Variants in FNDC3B observed in about 807,000 individuals in gnomAD.
FNDC3B encodes fibronectin type III domain containing 3B.
FNDC3B carries 12 observed loss-of-function variants against 151.5 expected under a neutral mutation model. The observed-to-expected ratio is 0.08, with a 90% CI of 0.05 to 0.13. The LOEUF is 0.13. FNDC3B is among the 10% of genes least tolerant of loss of function. FNDC3B has a pLI of 1.00. For missense variants in FNDC3B, 1,214 were observed against 1,505.3 expected, an observed-to-expected ratio of 0.81 and a Z score of 3.20; for synonymous variants, 528 against 549.0, an observed-to-expected ratio of 0.96 and a Z score of 0.54.
chr3:172,278,597 T>A (rs1392562728), intron 6 of FNDC3B, among the ~76,000 whole-genome samples: 1 of 152,124 alleles, frequency 6.6e-6, no homozygotes, highest in South Asian at 2.1e-4. Context: ...TTTTTGTGGG[T>A]TTGCATCCCT....
chr3:172,347,143 T>C (rs895825021), intron 20 of FNDC3B, 69 bp from the exon 21 acceptor site: 8 of 1,389,806 alleles, frequency 5.8e-6, no homozygotes, highest in African/African-American at 1.4e-5. Flanking sequence ...TTTTAGTTAA[T>C]TGAATACAAG....
At chr3:172,196,782 T>C (rs748812345) in intron 3 of FNDC3B, among the ~76,000 whole-genome samples, 15 of 152,198 alleles carry the variant, frequency 9.9e-5, no homozygotes, top group Non-Finnish European at 1.9e-4. Context: ...TCGCTTTTTC[T>C]TGTCCAAAGA....
Position 172,397,355 on chromosome 3 carries a change from T to A in FNDC3B, c.3495T>A (p.Asp1165Glu). ...VMLTGDMGSLDDPKMKSMMPT... is the reference protein window; with the variant it reads ...VMLTGDMGSLEDPKMKSMMPT... ...TTACAGGGGACATGGGGAGCTTAGA[T>A]GATCCCAAAATGAAGAGCATGATGC... The change falls in exon 26 of 26, where the codon GAT (aspartate) becomes GAA (glutamate). Residue 1165 changes from aspartate (D) to glutamate (E), a missense_variant. By Grantham distance (45) the Asp-to-Glu change is conservative. Coordinates refer to ENST00000415807, the MANE Select transcript of FNDC3B (RefSeq NM_022763.4). 6.2e-7 allele frequency: 1 copy of A among 1,614,202 alleles called. No homozygotes were observed. The highest frequency in any genetic ancestry group is 1.3e-5 in the African/African-American group (1 of 75,064).
chr3:172,128,494 G>A (rs1358096451), intron 2 of FNDC3B, among the ~76,000 whole-genome samples: 1 of 152,130 alleles, frequency 6.6e-6, no homozygotes, highest in Non-Finnish European at 1.5e-5. Context: ...GGGTCTCAAA[G>A]GTGTGTGTGG....
At chr3:172,328,112 G>A (rs79337583) in intron 11 of FNDC3B, among the ~76,000 whole-genome samples, 2,217 of 152,286 alleles carry the variant, frequency 0.015, 24 homozygotes, top group Middle Eastern at 0.054. Flanking sequence ...AACCTAATAC[G>A]AGACCCCACT....
rs145534459 is a variant in FNDC3B at position 172,212,549 on chromosome 3, G to A, written c.188-14322G>A. Reference sequence around the variant, plus strand: ...AAAAAGGCCTAGAAATTTTGACGTAGCACATTTGAGGATGATAGCAGGAAG... The same window carrying A: ...AAAAAGGCCTAGAAATTTTGACGTAACACATTTGAGGATGATAGCAGGAAG... On this transcript the variant is annotated intron_variant, in intron 3 of 25. Transcript: ENST00000415807. Among the ~76,000 whole-genome samples the A allele has an allele frequency of 4.5e-3, 679 of 152,282 alleles. 3 individuals carry two copies. Among genetic ancestry groups the A allele is most frequent in the African/African-American group, 0.015 (642 of 41,546 alleles).
chr3:172,351,365 C>A (rs1560094756), intron 21 of FNDC3B, among the ~76,000 whole-genome samples: 1 of 152,168 alleles, frequency 6.6e-6, no homozygotes. Flanking sequence ...AGGCAGCAAA[C>A]TTGGTGTCCC....
chr3:172,114,636 A>T (rs1027411497), intron 2 of FNDC3B, among the ~76,000 whole-genome samples: 1 of 152,220 alleles, frequency 6.6e-6, no homozygotes, highest in African/African-American at 2.4e-5. Context: ...CTGTAATCCT[A>T]GCTACTCAGG....
intron 8 of FNDC3B, 25 bp downstream of exon 8, chr3:172,295,539 C>T (rs1329652111): frequency 6.2e-7 from 1 of 1,605,964 alleles, no homozygotes; most frequent in Non-Finnish European, 8.5e-7. Flanking sequence ...TATTGTTTTT[C>T]TTTGCTGCTA....
intron 8 of FNDC3B, among the ~76,000 whole-genome samples, chr3:172,296,677 G>A (rs1037434145): frequency 1.3e-5 from 2 of 151,170 alleles, no homozygotes; most frequent in African/African-American, 4.9e-5. Flanking sequence ...ATCAGAATTA[G>A]TAGCAACTTT....
At chr3:172,091,085 A>G (rs1233449814) in intron 1 of FNDC3B, among the ~76,000 whole-genome samples, 1 of 152,198 alleles carries the variant, frequency 6.6e-6, no homozygotes, top group South Asian at 2.1e-4. Flanking sequence ...TAATTTCTTC[A>G]TTGCCTATGA....
At chr3:172,260,381 A>G (rs1288286790) in intron 6 of FNDC3B, among the ~76,000 whole-genome samples, 1 of 152,256 alleles carries the variant, frequency 6.6e-6, no homozygotes, top group East Asian at 1.9e-4. Context: ...CTTGGGAACT[A>G]TGTGCCCTTG....
At chr3:172,043,530 G>A (rs529397998) in intron 1 of FNDC3B, among the ~76,000 whole-genome samples, 3 of 151,944 alleles carry the variant, frequency 2.0e-5, no homozygotes, top group African/African-American at 7.3e-5. Context: ...TATTATTATT[G>A]TTTTTTTGTA....
intron 4 of FNDC3B, among the ~76,000 whole-genome samples, chr3:172,242,297 G>A (rs116581107): frequency 0.02 from 3,085 of 152,224 alleles, 46 homozygotes; most frequent in Middle Eastern, 0.048. Context: ...GAGGATGGTA[G>A]CCCTCTAGGC....
At chr3:172,346,598 C>A (rs1448533224) in intron 20 of FNDC3B, among the ~76,000 whole-genome samples, 158 bp downstream of exon 20, 2 of 145,830 alleles carry the variant, frequency 1.4e-5, no homozygotes, top group Non-Finnish European at 3.0e-5. Context: ...TGGCACTTGC[C>A]ACTTGCTTAT....
At chr3:172,370,058 A>C (rs1052928538) in intron 23 of FNDC3B, among the ~76,000 whole-genome samples, 1 of 152,182 alleles carries the variant, frequency 6.6e-6, no homozygotes, top group African/African-American at 2.4e-5. Flanking sequence ...TGCAGCCTTT[A>C]GTAGACTACA....
intron 1 of FNDC3B, among the ~76,000 whole-genome samples, chr3:172,106,565 A>T (rs1719654594): frequency 6.6e-6 from 1 of 152,230 alleles, no homozygotes; most frequent in African/African-American, 2.4e-5. Context: ...AATTAATGTA[A>T]GGAAATTTGG....
intron 6 of FNDC3B, among the ~76,000 whole-genome samples, chr3:172,283,036 G>A (rs1729821466): frequency 6.6e-6 from 1 of 152,196 alleles, no homozygotes; most frequent in Non-Finnish European, 1.5e-5. Flanking sequence ...AGGGGATATT[G>A]TAAAAATTAG....
At chr3:172,281,825 GT>G (rs774822156) in intron 6 of FNDC3B, among the ~76,000 whole-genome samples, 5 of 151,798 alleles carry the variant, frequency 3.3e-5, no homozygotes, top group Non-Finnish European at 7.4e-5. Context: ...GAATTTTTTT[GT>G]TTTGTTTGCT....
Sources: gnomAD v4.1 joint callset for allele counts (sites outside exome capture counted in the v4.1 genomes callset) on GRCh38, gnomAD v4.1.1 for gene constraint, MANE v1.5 for transcripts, NCBI Gene and HGNC (gene_info 2026-07-23, HGNC 2026-07-21) for gene names.